The following KCNK2 variants were observed in gnomAD, a reference collection of about 807,000 sequenced individuals.
The protein encoded by KCNK2 is potassium two pore domain channel subfamily K member 2.
KCNK2 carries 21 observed loss-of-function variants against 40.5 expected under a neutral mutation model. That is an observed-to-expected ratio of 0.52 (90% CI 0.37 to 0.75). The LOEUF (loss-of-function observed/expected upper bound fraction) is 0.75. Ranked by LOEUF, KCNK2 falls within the 30% of genes least tolerant of loss-of-function variation. The pLI is 0.00. For synonymous variants in KCNK2, 191 were observed against 202.2 expected, an observed-to-expected ratio of 0.94 and a Z score of 0.47; for missense variants, 399 against 531.6, an observed-to-expected ratio of 0.75 and a Z score of 2.45.
At chr1:215,028,498 G>A (rs957425816) in intron 1 of KCNK2, among the ~76,000 whole-genome samples, 1 of 151,964 alleles carries the variant, frequency 6.6e-6, no homozygotes, top group East Asian at 1.9e-4. Context: ...TTTAATCTCA[G>A]CATCATCTTT....
chr1:215,233,850 C>A (rs1571761619), intron 6 of KCNK2, among the ~76,000 whole-genome samples: 2 of 152,166 alleles, frequency 1.3e-5, no homozygotes, highest in African/African-American at 4.8e-5. Flanking sequence ...GATTCCCATA[C>A]AATTGGTCAT....
At chr1:215,030,819 A>G (rs1424721966) in intron 1 of KCNK2, among the ~76,000 whole-genome samples, 2 of 149,862 alleles carry the variant, frequency 1.3e-5, no homozygotes, top group East Asian at 3.9e-4. Context: ...AGTGCTGGGG[A>G]TTATAGGCAT....
At chr1:215,102,938 C>A (rs1660286239) in intron 2 of KCNK2, among the ~76,000 whole-genome samples, 2 of 151,900 alleles carry the variant, frequency 1.3e-5, no homozygotes, top group African/African-American at 2.4e-5. Flanking sequence ...TCAGAACAGA[C>A]CCCCATGTAA....
chr1:215,083,400 C>T lies in KCNK2; in HGVS notation c.15C>T (p.Ala5=). 1 of 1,614,088 alleles carries T rather than the reference C, an allele frequency of 6.2e-7. No homozygotes were observed. The highest frequency in any genetic ancestry group is 1.3e-5 in the African/African-American group (1 of 75,050). The change falls in exon 1 of 7, where the codon GCC becomes GCT. Residue 5 remains alanine (A), a synonymous_variant. Coordinates refer to ENST00000444842, the MANE Select transcript of KCNK2 (RefSeq NM_001017425.3). The stretch of plus-strand genomic sequence containing the variant: ...CTGCATGCCTCATGCTTCCCAGCGC[C>T]TCGCGGGAGAGACCCGGCTATAGAG... MLPS[A]SRERPGYRAG... is the part of the protein sequence containing the mutation.
At chr1:215,028,710 G>C (rs1032501433) in intron 1 of KCNK2, among the ~76,000 whole-genome samples, 2 of 151,966 alleles carry the variant, frequency 1.3e-5, no homozygotes, top group Non-Finnish European at 2.9e-5. Flanking sequence ...GTTCAGTTTT[G>C]ATAAATGCAT....
At chr1:215,161,077 A>G (rs1471182894) in intron 3 of KCNK2, among the ~76,000 whole-genome samples, 1 of 152,158 alleles carries the variant, frequency 6.6e-6, no homozygotes, top group Non-Finnish European at 1.5e-5. Flanking sequence ...TTGCCTCTCT[A>G]TAAACATCTT....
chr1:215,071,619 G>T (rs1355474350), intron 1 of KCNK2, among the ~76,000 whole-genome samples: 1 of 152,130 alleles, frequency 6.6e-6, no homozygotes, highest in Admixed American at 6.5e-5. Context: ...CATCAGAAGT[G>T]AGTGGTACCA....
At position 215,110,117 on chromosome 1, in the gene KCNK2, T is replaced by C. The variant is rs144156738; in HGVS notation, c.358-14516T>C. Among the ~76,000 whole-genome samples, 1,192 of 152,216 alleles carry C rather than the reference T, an allele frequency of 7.8e-3. 17 individuals are homozygous for C. Among genetic ancestry groups the C allele is most frequent in the African/African-American group, 0.027 (1,120 of 41,578 alleles). ...CTTGCACCTTCTGGATATGAGTCCC[T>C]TGTTGGATGAATAGTTTGTAAATAT... On this transcript the variant is annotated intron_variant, in intron 2 of 6. Coordinates refer to ENST00000444842, the MANE Select transcript of KCNK2 (RefSeq NM_001017425.3).
At chr1:215,211,693 G>C (rs1665751070) in intron 6 of KCNK2, among the ~76,000 whole-genome samples, 1 of 152,094 alleles carries the variant, frequency 6.6e-6, no homozygotes, top group Admixed American at 6.6e-5. Context: ...TGGGTGTAGA[G>C]AGAAAATGAT....
At chr1:215,230,532 T>TATATACATAACA (rs1558150321) in intron 6 of KCNK2, among the ~76,000 whole-genome samples, 1 of 37,116 alleles carries the variant, frequency 2.7e-5, no homozygotes, top group African/African-American at 7.5e-5. Context: ...TATATATATA[T>TATATACATAACA]GTATATATAT....
At chr1:215,200,655 T>C (rs1432654686) in intron 6 of KCNK2, among the ~76,000 whole-genome samples, 1 of 152,008 alleles carries the variant, frequency 6.6e-6, no homozygotes, top group East Asian at 1.9e-4. Flanking sequence ...GTTGGGAGAG[T>C]TATTGCAAGT....
chr1:215,023,657 C>A (rs1274718425), intron 1 of KCNK2, among the ~76,000 whole-genome samples: 1 of 152,194 alleles, frequency 6.6e-6, no homozygotes, highest in African/African-American at 2.4e-5. Flanking sequence ...GCGTAAGCAC[C>A]AAATTCCTGA....
At chr1:215,210,723 C>T (rs1324702841) in intron 6 of KCNK2, among the ~76,000 whole-genome samples, 1 of 152,056 alleles carries the variant, frequency 6.6e-6, no homozygotes, top group Non-Finnish European at 1.5e-5. Flanking sequence ...TACTAATAAT[C>T]ACTACAGGGT....
chr1:215,081,165 A>ATGTGTGTGTGTGTG (rs34229936), upstream of KCNK2, among the ~76,000 whole-genome samples: 17 of 149,376 alleles, frequency 1.1e-4, no homozygotes, highest in Non-Finnish European at 1.9e-4. Flanking sequence ...GTACACGCAA[A>ATGTGTGTGTGTGTG]TGTGTGTGTG....
intron 1 of KCNK2, among the ~76,000 whole-genome samples, chr1:215,028,902 T>C (rs937862743): frequency 3.9e-5 from 6 of 152,184 alleles, no homozygotes; most frequent in African/African-American, 1.4e-4. Flanking sequence ...TAATAATTCA[T>C]TTAAATGTAA....
At chr1:215,162,313 G>C (rs1014893228) in intron 3 of KCNK2, among the ~76,000 whole-genome samples, 1 of 152,136 alleles carries the variant, frequency 6.6e-6, no homozygotes, top group African/African-American at 2.4e-5. Context: ...GTAGATTCTG[G>C]ATATTAGCCC....
intron 1 of KCNK2, among the ~76,000 whole-genome samples, chr1:215,047,708 A>T (rs1657824981): frequency 6.6e-6 from 1 of 152,162 alleles, no homozygotes; most frequent in African/African-American, 2.4e-5. Flanking sequence ...GAGTAATTGA[A>T]CTTTTCCTCT....
chr1:215,076,923 T>G (rs112534335), intron 1 of KCNK2, among the ~76,000 whole-genome samples: 1 of 152,354 alleles, frequency 6.6e-6, no homozygotes, highest in Non-Finnish European at 1.5e-5. Flanking sequence ...TGTATGTGGC[T>G]TAAGGTGTGG....
rs140151006 is a variant in KCNK2 at position 215,173,044 on chromosome 1, T to A, written c.823+861T>A. Reference sequence around the variant, plus strand: ...GCACAACGTGCAGGTTTGTTACACATGTGCCATGTTGGTGTGCTGCACCCA... The same window carrying A: ...GCACAACGTGCAGGTTTGTTACACAAGTGCCATGTTGGTGTGCTGCACCCA... On this transcript the variant is annotated intron_variant, in intron 5 of 6. Coordinates refer to ENST00000444842, the MANE Select transcript of KCNK2 (RefSeq NM_001017425.3). Among the ~76,000 whole-genome samples the A allele has an allele frequency of 5.0e-3, 758 of 152,284 alleles. 7 individuals carry two copies. The highest frequency in any genetic ancestry group is 0.015 in the South Asian group (71 of 4,828).
Sources: gnomAD v4.1 joint callset for allele counts (sites outside exome capture counted in the v4.1 genomes callset) on GRCh38, gnomAD v4.1.1 for gene constraint, MANE v1.5 for transcripts, NCBI Gene and HGNC (gene_info 2026-07-23, HGNC 2026-07-21) for gene names.